The following STRN variants were observed in gnomAD, a reference collection of about 807,000 sequenced individuals.
STRN encodes the protein striatin.
In STRN, 53 loss-of-function variants were observed where a neutral mutation model predicts 96.3. That is an observed-to-expected ratio of 0.55 (90% CI 0.44 to 0.69). STRN has a LOEUF of 0.69. Among genes scored for constraint, STRN ranks in the 30% least tolerant of loss-of-function variants. STRN has a pLI of 0.00. For synonymous variants in STRN, 428 were observed against 355.9 expected (o/e 1.20, Z -2.28); for missense variants, 987 against 963.9 (o/e 1.02, Z -0.32).
At position 36,897,972 on chromosome 2, in the gene STRN, C is replaced by G. The variant is rs192084996; in HGVS notation, c.795+1551G>C. Among the ~76,000 whole-genome samples the G allele has an allele frequency of 2.4e-4, 36 of 152,100 alleles. No individual in the cohort carries two copies. The East Asian group carries it at 6.9e-3, about 29-fold the overall frequency. On this transcript the variant is annotated intron_variant, in intron 6 of 17. Transcript: ENST00000263918. ...TCCTGAGTAGCTGGGGTTACAGGCA[C>G]AAGCCACTGCACGCAGCACAGAACT...
intron 1 of STRN, among the ~76,000 whole-genome samples, chr2:36,942,749 G>A (rs910007391): frequency 2.0e-5 from 3 of 152,042 alleles, no homozygotes; most frequent in Non-Finnish European, 4.4e-5. Context: ...AGGCTGGAGT[G>A]CAGTGGCGTG....
chr2:36,946,022 T>G (rs1005515560), intron 1 of STRN, among the ~76,000 whole-genome samples: 1 of 152,064 alleles, frequency 6.6e-6, no homozygotes, highest in South Asian at 2.1e-4. Context: ...CTAGAGTTAA[T>G]AGCCAATACT....
At chr2:36,852,638 T>C (rs1289594549) in intron 15 of STRN, among the ~76,000 whole-genome samples, 3 of 152,356 alleles carry the variant, frequency 2.0e-5, no homozygotes, top group East Asian at 3.8e-4. Flanking sequence ...CGTACTATTT[T>C]TGTACCTTTT....
chr2:36,846,878 C>G lies in STRN; in HGVS notation c.*2578G>C, dbSNP rs1361895801. 2.6e-5 allele frequency: 4 copies of G among 152,072 alleles called. No individual in the cohort carries two copies. The highest frequency in any genetic ancestry group is 5.9e-5 in the Non-Finnish European group (4 of 68,004). The allele number at this position is 152,072 out of a possible 1,614,324, so 9.4% of individuals were successfully genotyped here. A position where few individuals can be genotyped will look rare whatever the true frequency, so the allele number is the denominator to read the frequency against. ...GAAAATAAGGCAGGGATCCAAACCTCCCGCTAATTTTCATACTATTCCAAT... is the reference window on the plus strand; with the variant it reads ...GAAAATAAGGCAGGGATCCAAACCTGCCGCTAATTTTCATACTATTCCAAT... On this transcript the variant is annotated 3_prime_UTR_variant, in exon 18 of 18. Transcript: ENST00000263918.
intron 1 of STRN, among the ~76,000 whole-genome samples, chr2:36,964,977 C>T (rs1165757764): frequency 6.6e-6 from 1 of 152,168 alleles, no homozygotes; most frequent in Non-Finnish European, 1.5e-5. Flanking sequence ...CTCAAGGTCA[C>T]AGAGCTAGCA....
chr2:36,916,016 G>A, intron 3 of STRN, 62 bp downstream of exon 3: 1 of 1,398,752 alleles, frequency 7.1e-7, no homozygotes, highest in Non-Finnish European at 1.0e-6. Context: ...TGTAAATGCT[G>A]CTAGAAAATA....
chr2:36,928,727 G>C (rs1359640426), intron 1 of STRN, among the ~76,000 whole-genome samples: 1 of 150,518 alleles, frequency 6.6e-6, no homozygotes, highest in African/African-American at 2.5e-5. Context: ...GGTGGATCAC[G>C]AGGTCAGGAG....
At chr2:36,887,066 C>G (rs1269732454) in intron 7 of STRN, among the ~76,000 whole-genome samples, 2 of 150,610 alleles carry the variant, frequency 1.3e-5, no homozygotes, top group African/African-American at 2.4e-5. Flanking sequence ...CACACACACA[C>G]ACACACACAC....
intron 1 of STRN, among the ~76,000 whole-genome samples, chr2:36,958,768 G>C (rs1163359614): frequency 6.6e-6 from 1 of 152,180 alleles, no homozygotes; most frequent in Non-Finnish European, 1.5e-5. Flanking sequence ...GAAATCTGCA[G>C]AACTAATGAG....
chr2:36,871,797 A>G (rs1261397891), intron 10 of STRN, among the ~76,000 whole-genome samples: 1 of 152,218 alleles, frequency 6.6e-6, no homozygotes, highest in African/African-American at 2.4e-5. Context: ...TGACTTGCCC[A>G]AAGAACCCTG....
chr2:36,875,889 C>T (rs577353796), intron 10 of STRN, among the ~76,000 whole-genome samples: 33 of 152,238 alleles, frequency 2.2e-4, no homozygotes, highest in African/African-American at 7.2e-4. Flanking sequence ...GATCTCTTGA[C>T]CTCGTGATCT....
At chr2:36,879,666 G>A (rs1369515827) in intron 9 of STRN, among the ~76,000 whole-genome samples, 1 of 152,128 alleles carries the variant, frequency 6.6e-6, no homozygotes, top group Non-Finnish European at 1.5e-5. Context: ...GGTTACATAT[G>A]ACAAACATTT....
Position 36,959,635 on chromosome 2 carries a change from AC to A in STRN, c.234+6594del, listed in dbSNP as rs144857328. ...GAGGTGATTCAAATTATAATATTCTACTGCCTAAAAATAAAATGCTATCATC... is the reference window on the plus strand; with the variant it reads ...GAGGTGATTCAAATTATAATATTCTATGCCTAAAAATAAAATGCTATCATC... On this transcript the variant is annotated intron_variant, in intron 1 of 17. Transcript: ENST00000263918. 9.5e-3 allele frequency among the ~76,000 whole-genome samples: 1,447 copies of A among 152,312 alleles called. 13 individuals carry two copies. Among genetic ancestry groups the A allele is most frequent in the Non-Finnish European group, 0.013 (877 of 68,030 alleles).
At chr2:36,904,968 AC>A (rs1429918030) in intron 4 of STRN, among the ~76,000 whole-genome samples, 25 of 126,728 alleles carry the variant, frequency 2.0e-4, no homozygotes, top group African/African-American at 7.3e-4. Context: ...CACCAATTGC[AC>A]TTTTTTTTTT....
chr2:36,930,514 A>AT (rs879395534), intron 1 of STRN, among the ~76,000 whole-genome samples: 10 of 152,068 alleles, frequency 6.6e-5, no homozygotes, highest in Admixed American at 4.6e-4. Flanking sequence ...TTAAAACACA[A>AT]TTTTTTAGGT....
At chr2:36,859,863 G>C (rs552929871) in intron 13 of STRN, among the ~76,000 whole-genome samples, 35 of 152,326 alleles carry the variant, frequency 2.3e-4, no homozygotes, top group African/African-American at 8.2e-4. Flanking sequence ...TCTTGGATCA[G>C]GCAATTAGTT....
Position 36,877,893 on chromosome 2 carries a change from C to G in STRN, c.1321G>C (p.Asp441His). 6.2e-7 allele frequency: 1 copy of G among 1,613,676 alleles called. No individual in the cohort carries two copies. Among genetic ancestry groups the G allele is most frequent in the Non-Finnish European group, 8.5e-7 (1 of 1,179,900 alleles). ...ACAAAAACAAAACTACTACTTACAT[C>G]ATAAGTTAGTGAGTCTGCTTCATTG... ...VANEADSLTY[D>H]IANNKDALRK... Residue 441 changes from aspartate (D) to histidine (H), a missense_variant and splice_region_variant, in exon 10 of 18, where the codon GAT becomes CAT. By Grantham distance (81) the Asp-to-His change is moderately conservative. Coordinates refer to ENST00000263918, the MANE Select transcript of STRN (RefSeq NM_003162.4).
At chr2:36,868,514 T>C (rs1194164474) in intron 11 of STRN, among the ~76,000 whole-genome samples, 2 of 152,230 alleles carry the variant, frequency 1.3e-5, no homozygotes, top group African/African-American at 4.8e-5. Flanking sequence ...AAACTGGATT[T>C]AAAGTCACGT....
intron 1 of STRN, among the ~76,000 whole-genome samples, chr2:36,942,201 T>A (rs763307070): frequency 2.6e-5 from 4 of 152,158 alleles, no homozygotes; most frequent in Non-Finnish European, 5.9e-5. Context: ...CCTGTGGTCT[T>A]AATGTCTGTA....
Sources: allele counts gnomAD v4.1 joint callset (sites outside exome capture counted in the v4.1 genomes callset), GRCh38; gene constraint gnomAD v4.1.1; transcripts MANE v1.5; gene names NCBI Gene and HGNC (gene_info 2026-07-23, HGNC 2026-07-21).